Variants in SUSD1 observed in about 807,000 individuals in gnomAD.
SUSD1 encodes the protein sushi domain-containing protein 1.
Under a neutral mutation model 86.9 loss-of-function variants are expected in SUSD1, and 65 were observed. The observed-to-expected ratio is 0.75, with a 90% CI of 0.61 to 0.92. The LOEUF (loss-of-function observed/expected upper bound fraction) is 0.92, where lower values mean the gene tolerates loss of function less well. Ranked by LOEUF, SUSD1 falls within the 40% of genes least tolerant of loss-of-function variation. The pLI is 0.00. For synonymous variants in SUSD1, 346 were observed against 350.0 expected (o/e 0.99, Z 0.13); for missense variants, 850 against 929.7 (o/e 0.91, Z 1.11).
At chr9:112,112,134 GC>G in intron 7 of SUSD1, 1 of 282,628 alleles carries the variant, frequency 3.5e-6, no homozygotes, top group Non-Finnish European at 6.6e-6. Flanking sequence ...CACCAAGTCA[GC>G]AGACGCTCCC....
In SUSD1 at chr9:112,113,667, C is replaced by A. The variant is rs1831193752; in HGVS notation, c.887-799G>T. Among the ~76,000 whole-genome samples, 1 of 152,182 alleles carries A rather than the reference C, an allele frequency of 6.6e-6. No individual in the cohort carries two copies. Among genetic ancestry groups the A allele is most frequent in the Non-Finnish European group, 1.5e-5 (1 of 68,050 alleles). On this transcript the variant is annotated intron_variant, in intron 6 of 16. Coordinates refer to ENST00000374270, the MANE Select transcript of SUSD1 (RefSeq NM_022486.5). The surrounding 1 kb of genome is among the most constrained non-coding windows in gnomAD (Gnocchi z 4.1). The stretch of plus-strand genomic sequence containing the variant: ...AAATTCCCAGCCGAGTGCAGTGGCT[C>A]ACACCTGTAATCTCAGCACTTTGGG...
At chr9:112,166,901 TGACAA>T (rs1833849959) in intron 1 of SUSD1, among the ~76,000 whole-genome samples, 1 of 152,126 alleles carries the variant, frequency 6.6e-6, no homozygotes, top group Admixed American at 6.6e-5. Context: ...AGAGAAAACC[TGACAA>T]GTGCTCTTTG....
chr9:112,121,913 C>T (rs551945289), intron 6 of SUSD1, among the ~76,000 whole-genome samples: 5 of 152,258 alleles, frequency 3.3e-5, no homozygotes, highest in South Asian at 2.1e-4. Flanking sequence ...TAGAAGTACA[C>T]GCTTCTGATT....
chr9:112,143,251 G>C (rs1022484721), intron 4 of SUSD1, among the ~76,000 whole-genome samples: 4 of 151,814 alleles, frequency 2.6e-5, no homozygotes, highest in Non-Finnish European at 5.9e-5. Context: ...CTCCCAAAGT[G>C]CTGAGATTAC....
intron 10 of SUSD1, among the ~76,000 whole-genome samples, chr9:112,097,181 CTGGGCATGG>C (rs1224948077): frequency 1.3e-5 from 2 of 151,746 alleles, no homozygotes; most frequent in East Asian, 4.0e-4. Flanking sequence ...CAAAAATTAG[CTGGGCATGG>C]TGGTATGCGC....
chr9:112,148,859 T>C (rs1212428572), intron 3 of SUSD1, among the ~76,000 whole-genome samples: 1 of 151,686 alleles, frequency 6.6e-6, no homozygotes, highest in Admixed American at 6.6e-5. Context: ...AGAGTCGAGA[T>C]TGTGCCACTG....
At chr9:112,137,257 A>T (rs576192315) in intron 5 of SUSD1, among the ~76,000 whole-genome samples, 1 of 152,144 alleles carries the variant, frequency 6.6e-6, no homozygotes, top group East Asian at 1.9e-4. Context: ...CCATGTAGTG[A>T]CACAGGGGAG....
chr9:112,088,736 G>T (rs1589636890), intron 10 of SUSD1, among the ~76,000 whole-genome samples: 1 of 152,204 alleles, frequency 6.6e-6, no homozygotes, highest in Admixed American at 6.5e-5. Context: ...AGGCTGTTGT[G>T]AGCTATGATC....
chr9:112,125,398 G>T (rs1026532845), intron 5 of SUSD1, among the ~76,000 whole-genome samples: 12 of 152,118 alleles, frequency 7.9e-5, no homozygotes, highest in African/African-American at 2.4e-4. Flanking sequence ...TTGAAGGGAA[G>T]AAGTAAAGCA....
chr9:112,042,696 C>G (rs1203818008), intron 15 of SUSD1, among the ~76,000 whole-genome samples: 1 of 152,188 alleles, frequency 6.6e-6, no homozygotes, highest in East Asian at 1.9e-4. Flanking sequence ...ATGTGCCAGA[C>G]ACTGTTCCAA....
intron 6 of SUSD1, among the ~76,000 whole-genome samples, chr9:112,121,246 G>C (rs761769900): frequency 1.3e-5 from 2 of 152,062 alleles, no homozygotes; most frequent in Non-Finnish European, 2.9e-5. Context: ...TCTGATTGCA[G>C]TCTCTGGCCT....
At chr9:112,079,352 C>G (rs16916637) in intron 11 of SUSD1, among the ~76,000 whole-genome samples, 19,959 of 152,126 alleles carry the variant, frequency 0.13, 1,594 homozygotes, top group African/African-American at 0.22. Flanking sequence ...ACAAGAAAGT[C>G]TATTGGCAAA....
Position 112,175,033 on chromosome 9 carries a change from G to C in SUSD1, c.103+100C>G, listed in dbSNP as rs1259500996. On this transcript the variant is annotated intron_variant, in intron 1 of 16. Transcript: ENST00000374270. This position sits in a 1 kb window ranked among gnomAD's most constrained non-coding sequence, Gnocchi z 4.7. ...GCGCCCCACGCCTCGGCACCGCGCC[G>C]GCCCGGCCCAGGGGCGGGGAAGCGT... 7 of 918,202 alleles carry C rather than the reference G, an allele frequency of 7.6e-6. No individual in the cohort carries two copies. In the East Asian group the frequency reaches 5.7e-4, roughly 75 times the overall value. 56.9% of individuals were successfully genotyped at this position (918,202 alleles called of 1,614,324 possible).
chr9:112,101,322 C>T (rs1830626523), intron 9 of SUSD1, among the ~76,000 whole-genome samples: 1 of 151,850 alleles, frequency 6.6e-6, no homozygotes, highest in Non-Finnish European at 1.5e-5. Context: ...AGATCGCCTC[C>T]CTGCACTCCA....
At chr9:112,101,145 T>C (rs1255158780) in intron 9 of SUSD1, among the ~76,000 whole-genome samples, 2 of 151,880 alleles carry the variant, frequency 1.3e-5, no homozygotes. Flanking sequence ...GTGGATCACT[T>C]GAGGTCAGGA....
At chr9:112,120,166 G>A (rs1831493557) in intron 6 of SUSD1, among the ~76,000 whole-genome samples, 1 of 152,158 alleles carries the variant, frequency 6.6e-6, no homozygotes, top group Admixed American at 6.5e-5. Flanking sequence ...ATTTAGCCAT[G>A]CGTGGTGGGT....
At chr9:112,160,962 T>A (rs1833540159) in intron 1 of SUSD1, among the ~76,000 whole-genome samples, 1 of 152,202 alleles carries the variant, frequency 6.6e-6, no homozygotes. Flanking sequence ...CAAACTGAAG[T>A]GAGGATGAGT....
rs188596748 is a variant in SUSD1 at position 112,123,106 on chromosome 9, T to C, written c.886+1151A>G. On this transcript the variant is annotated intron_variant, in intron 6 of 16. Coordinates refer to ENST00000374270, the MANE Select transcript of SUSD1 (RefSeq NM_022486.5). The stretch of plus-strand genomic sequence containing the variant: ...AAAAATAGTTAAGATGGTGTATTCA[T>C]CAGTTTCATGTTGCTATAAAGGAAT... Among the ~76,000 whole-genome samples, 563 of 152,332 alleles carry C rather than the reference T, an allele frequency of 3.7e-3. 7 individuals are homozygous for C. The highest frequency in any genetic ancestry group is 5.6e-3 in the Non-Finnish European group (378 of 68,040).
At chr9:112,082,827 C>T (rs1330644664) in intron 10 of SUSD1, among the ~76,000 whole-genome samples, 2 of 152,258 alleles carry the variant, frequency 1.3e-5, no homozygotes, top group East Asian at 1.9e-4. Flanking sequence ...AAGTGATCCC[C>T]CTGCCTCAGT....
Sources: gnomAD v4.1 joint callset for allele counts (sites outside exome capture counted in the v4.1 genomes callset) on GRCh38, gnomAD v4.1.1 for gene constraint, Gnocchi (gnomAD v3.1) non-coding constraint, MANE v1.5 for transcripts, NCBI Gene and HGNC (gene_info 2026-07-23, HGNC 2026-07-21) for gene names.